RARB: variants seen among roughly 807,000 people sequenced by gnomAD.
RARB encodes retinoic acid receptor beta.
RARB carries 17 observed loss-of-function variants against 51.9 expected under a neutral mutation model. The ratio of observed to expected loss-of-function variants is 0.33; its 90% CI spans 0.22 to 0.49. RARB has a LOEUF of 0.49. Ranked by LOEUF, RARB falls within the 20% of genes least tolerant of loss-of-function variation. The pLI is 0.99. For synonymous variants in RARB, 215 were observed against 195.4 expected, an observed-to-expected ratio of 1.10 and a Z score of -0.84; for missense variants, 369 against 550.8, an observed-to-expected ratio of 0.67 and a Z score of 3.30.
chr3:24,880,237 T>A (rs1703132141), intron 2 of RARB, among the ~76,000 whole-genome samples: 1 of 152,032 alleles, frequency 6.6e-6, no homozygotes. Flanking sequence ...CACATATGTA[T>A]GGCTATCAGA....
intron 5 of RARB, among the ~76,000 whole-genome samples, chr3:25,243,220 G>A (rs571613495): frequency 6.6e-6 from 1 of 152,182 alleles, no homozygotes; most frequent in Non-Finnish European, 1.5e-5. Flanking sequence ...TGAGATCATG[G>A]GGTTTTCTAA....
chr3:25,041,866 A>G (rs1449110749), intron 2 of RARB, among the ~76,000 whole-genome samples: 1 of 152,148 alleles, frequency 6.6e-6, no homozygotes, highest in Non-Finnish European at 1.5e-5. Context: ...ATTAAATTTA[A>G]GTGGAGGTGG....
intron 5 of RARB, among the ~76,000 whole-genome samples, chr3:25,278,189 C>T (rs925394381): frequency 3.3e-5 from 5 of 152,042 alleles, no homozygotes; most frequent in African/African-American, 4.8e-5. Flanking sequence ...TGGTGGTTGG[C>T]GGTACATGTG....
At chr3:25,140,284 A>T (rs925152394) in intron 4 of RARB, among the ~76,000 whole-genome samples, 10 of 152,336 alleles carry the variant, frequency 6.6e-5, no homozygotes, top group African/African-American at 1.7e-4. Context: ...AACATTCCAG[A>T]TGTCATTAAC....
intron 3 of RARB, among the ~76,000 whole-genome samples, chr3:25,546,848 C>T (rs910044321): frequency 5.3e-5 from 8 of 152,052 alleles, no homozygotes; most frequent in Middle Eastern, 3.4e-3. Context: ...TTAAATTTTC[C>T]TTACCTCATG....
At chr3:25,065,053 T>C (rs1169656513) in intron 3 of RARB, among the ~76,000 whole-genome samples, 1 of 152,178 alleles carries the variant, frequency 6.6e-6, no homozygotes, top group Non-Finnish European at 1.5e-5. Context: ...AAGTCACTAT[T>C]ACCTGGTACA....
chr3:25,269,899 C>T lies in RARB; in HGVS notation c.178+95324C>T, dbSNP rs186434039. Among the ~76,000 whole-genome samples the T allele has an allele frequency of 2.1e-4, 32 of 152,060 alleles. 1 individual carries two copies. In the East Asian group the frequency reaches 3.5e-3, roughly 17 times the overall value. On this transcript the variant is annotated intron_variant, in intron 5 of 11. Transcript: ENST00000383772. ...GACATACAAATGGTCATTAAGCATACGAAAAGATGTTCAGCATCACTAACA... is the reference window on the plus strand; with the variant it reads ...GACATACAAATGGTCATTAAGCATATGAAAAGATGTTCAGCATCACTAACA...
chr3:25,461,452 GT>G (rs1336700821), intron 2 of RARB, 111 bp downstream of exon 2: 10 of 1,253,850 alleles, frequency 8.0e-6, no homozygotes, highest in Non-Finnish European at 1.1e-5. Context: ...CCTCCCATAA[GT>G]GTGGTGAATT....
At position 25,152,881 on chromosome 3, in the gene RARB, G is replaced by A. The variant is rs75457351; in HGVS notation, c.-280+20673G>A. Among the ~76,000 whole-genome samples, 886 of 152,322 alleles carry A rather than the reference G, an allele frequency of 5.8e-3. 4 individuals carry two copies. Among genetic ancestry groups the A allele is most frequent in the Non-Finnish European group, 8.3e-3 (567 of 68,042 alleles). ...TAGGGTCAGGTGGAGCCACTAGCCA[G>A]ATGATGCTTCCAAGAAAATCTAAAA... On this transcript the variant is annotated intron_variant, in intron 4 of 11. Coordinates refer to the RARB transcript ENST00000383772.
intron 2 of RARB, among the ~76,000 whole-genome samples, chr3:25,464,118 A>G (rs1476067588): frequency 1.3e-5 from 2 of 152,226 alleles, no homozygotes; most frequent in Non-Finnish European, 2.9e-5. Context: ...ATGAAAAGAT[A>G]CTTCTTTATT....
chr3:25,174,593 T>G, intron 5 of RARB: 1 of 1,351,746 alleles, frequency 7.4e-7, no homozygotes, highest in South Asian at 1.1e-5. Context: ...CTGCTGGAAT[T>G]TGCTCTCTTT....
intron 3 of RARB, among the ~76,000 whole-genome samples, chr3:25,107,294 T>A (rs947968416): frequency 6.6e-6 from 1 of 152,204 alleles, no homozygotes; most frequent in Non-Finnish European, 1.5e-5. Context: ...TTTTCTTGTT[T>A]TCTTCCCCTA....
chr3:25,294,905 C>T (rs1322689842), intron 5 of RARB, among the ~76,000 whole-genome samples: 5 of 152,162 alleles, frequency 3.3e-5, no homozygotes. Flanking sequence ...TGGTCTTTAT[C>T]ACAGGGTATC....
intron 2 of RARB, among the ~76,000 whole-genome samples, chr3:25,003,571 A>C (rs1289518943): frequency 6.6e-6 from 1 of 152,128 alleles, no homozygotes; most frequent in Non-Finnish European, 1.5e-5. Flanking sequence ...GGCCTTACTA[A>C]TATGTCCAAA....
At chr3:25,369,378 A>T (rs113816205) in intron 5 of RARB, among the ~76,000 whole-genome samples, 2 of 152,282 alleles carry the variant, frequency 1.3e-5, no homozygotes, top group South Asian at 4.1e-4. Flanking sequence ...TGTGCCAGGC[A>T]CTATTCAAGG....
chr3:24,962,294 C>A (rs185941590), intron 2 of RARB, among the ~76,000 whole-genome samples: 60 of 152,222 alleles, frequency 3.9e-4, no homozygotes, highest in Admixed American at 1.2e-3. Flanking sequence ...GCACTGTTGA[C>A]ATTTTGAGCG....
chr3:25,156,442 T>TA (rs1396995116), intron 4 of RARB, among the ~76,000 whole-genome samples: 1 of 138,320 alleles, frequency 7.2e-6, no homozygotes, highest in Admixed American at 8.2e-5. Flanking sequence ...TTGACATCAC[T>TA]AGTGAATGCT....
chr3:25,225,650 T>A (rs917195251), intron 5 of RARB, among the ~76,000 whole-genome samples: 19 of 152,122 alleles, frequency 1.2e-4, no homozygotes, highest in South Asian at 8.3e-4. Context: ...GAAAAAAATG[T>A]TAAAAGTGAG....
intron 3 of RARB, among the ~76,000 whole-genome samples, chr3:25,112,358 G>A (rs1025907412): frequency 1.3e-5 from 2 of 152,066 alleles, no homozygotes; most frequent in African/African-American, 4.8e-5. Context: ...CAGATTCTCA[G>A]GCAAGTTTCT....
Sources: allele counts gnomAD v4.1 joint callset (sites outside exome capture counted in the v4.1 genomes callset), GRCh38; gene constraint gnomAD v4.1.1; transcripts MANE v1.5; gene names NCBI Gene and HGNC (gene_info 2026-07-23, HGNC 2026-07-21).